Variants in KLF17 observed in about 807,000 individuals in gnomAD.
The protein encoded by KLF17 is KLF transcription factor 17.
KLF17 carries 31 observed loss-of-function variants against 34.2 expected under a neutral mutation model. That is an observed-to-expected ratio of 0.91 (90% confidence interval 0.68 to 1.22). The LOEUF is 1.22. Among genes scored for constraint, KLF17 ranks in the 50% most tolerant of loss-of-function variants. The pLI is 0.00. For synonymous variants in KLF17, 179 were observed against 186.7 expected (o/e 0.96, Z 0.34); for missense variants, 478 against 505.2 (o/e 0.95, Z 0.52).
intron 1 of KLF17, among the ~76,000 whole-genome samples, chr1:44,120,268 A>G (rs572216018): frequency 6.6e-6 from 1 of 152,390 alleles, no homozygotes; most frequent in East Asian, 1.9e-4. Flanking sequence ...TGGAAAATTC[A>G]GGAGCCATCT....
the KLF17 span, among the ~76,000 whole-genome samples, chr1:44,094,023 T>A: frequency 6.6e-6 from 1 of 152,220 alleles, no homozygotes; most frequent in South Asian, 2.1e-4. Context: ...TAGATGTGGA[T>A]TTTTTTTGAT....
At chr1:44,099,861 GA>G in the KLF17 span, among the ~76,000 whole-genome samples, 8 of 100,712 alleles carry the variant, frequency 7.9e-5, 1 homozygote, top group African/African-American at 3.2e-4. Context: ...AAGAAAGAAA[GA>G]AAGAAAGAAA....
the KLF17 span, among the ~76,000 whole-genome samples, chr1:44,080,573 TC>T: frequency 6.6e-6 from 1 of 152,126 alleles, no homozygotes; most frequent in African/African-American, 2.4e-5. Flanking sequence ...TTACAATAAG[TC>T]TTGGTAGCTG....
the KLF17 span, among the ~76,000 whole-genome samples, chr1:44,087,091 A>C: frequency 1.5e-4 from 23 of 152,288 alleles, no homozygotes; most frequent in South Asian, 4.6e-3. Context: ...AACTAATACA[A>C]ATTGAGGGTT....
the KLF17 span, among the ~76,000 whole-genome samples, chr1:44,046,639 G>A: frequency 6.6e-6 from 1 of 152,068 alleles, no homozygotes; most frequent in Admixed American, 6.5e-5. Flanking sequence ...TCAGGAAATG[G>A]ATGTGCAGAG....
the KLF17 span, among the ~76,000 whole-genome samples, chr1:44,064,290 A>T: frequency 6.6e-6 from 1 of 152,228 alleles, no homozygotes; most frequent in Non-Finnish European, 1.5e-5. Context: ...TTATTATAAT[A>T]ATTAATACAG....
the KLF17 span, among the ~76,000 whole-genome samples, chr1:44,087,408 A>G: frequency 6.6e-6 from 1 of 151,850 alleles, no homozygotes; most frequent in Admixed American, 6.6e-5. Flanking sequence ...GGTGTGCACC[A>G]TCACACCCAG....
At chr1:44,104,160 A>G in the KLF17 span, 4 of 1,058,084 alleles carry the variant, frequency 3.8e-6, no homozygotes, top group South Asian at 2.5e-5. Context: ...TAACTTGTTC[A>G]TGTAAGCTTC....
the KLF17 span, among the ~76,000 whole-genome samples, chr1:44,109,924 G>T: frequency 6.9e-5 from 10 of 145,738 alleles, no homozygotes; most frequent in Admixed American, 1.4e-4. Context: ...TTTTTTGCGG[G>T]GGGGACAGAG....
chr1:44,096,893 G>A, the KLF17 span, among the ~76,000 whole-genome samples: 4 of 152,094 alleles, frequency 2.6e-5, no homozygotes, highest in African/African-American at 7.2e-5. Flanking sequence ...TAGTCATGAA[G>A]TCTTTGCCCA....
At chr1:44,075,311 C>T in the KLF17 span, among the ~76,000 whole-genome samples, 1 of 152,154 alleles carries the variant, frequency 6.6e-6, no homozygotes, top group Non-Finnish European at 1.5e-5. Context: ...TTGGCATTTT[C>T]TGGAATGTAT....
the KLF17 span, among the ~76,000 whole-genome samples, chr1:44,089,112 G>A: frequency 4.3e-3 from 647 of 152,202 alleles, 3 homozygotes; most frequent in African/African-American, 0.015. Context: ...ATAACCTAAG[G>A]TAAAATAAGG....
chr1:44,088,178 G>A, the KLF17 span: 1 of 153,006 alleles, frequency 6.5e-6, no homozygotes, highest in Non-Finnish European at 1.4e-5. Flanking sequence ...GAGTGCAGTG[G>A]CACAATCACA....
In KLF17 at chr1:44,129,754, G is replaced by A. The variant is rs2429050; in HGVS notation, c.483G>A (p.Ser161=). 570,068 of 1,613,562 alleles carry A rather than the reference G, an allele frequency of 0.35. 103,816 individuals carry two copies. The highest frequency in any genetic ancestry group is 0.46 in the East Asian group (20,617 of 44,848). Residue 161 remains serine (S), a synonymous_variant, in exon 2 of 4, where the codon TCG becomes TCA. Transcript: ENST00000372299. ...TGCCCCCCAATGGGCTGCCAGTCTCGGCTTCCACTGGAATCCCAATAATGT... is the reference window on the plus strand; with the variant it reads ...TGCCCCCCAATGGGCTGCCAGTCTCAGCTTCCACTGGAATCCCAATAATGT... ...LRMPPNGLPV[S]ASTGIPIMSH... is the part of the protein sequence containing the mutation.
intron 3 of KLF17, among the ~76,000 whole-genome samples, chr1:44,131,094 C>G (rs1193666629): frequency 2.0e-5 from 3 of 152,224 alleles, no homozygotes; most frequent in Non-Finnish European, 2.9e-5. Flanking sequence ...CGCAGCCGGC[C>G]TCATTCTGGC....
chr1:44,129,630 C>G lies in KLF17; in HGVS notation c.359C>G (p.Pro120Arg), dbSNP rs1336623249. 4.3e-6 allele frequency: 7 copies of G among 1,614,180 alleles called. No individual in the cohort carries two copies. The highest frequency in any genetic ancestry group is 1.7e-5 in the Admixed American group (1 of 60,024). Residue 120 changes from proline (P) to arginine (R), a missense_variant, in exon 2 of 4, where the codon CCT (proline) becomes CGT (arginine). Physicochemically the swap from Pro to Arg is moderately radical, Grantham distance 103 (BLOSUM62 -2). Transcript: ENST00000372299. ...RMIYCQRMSP[P>R]QQEMTIFSGP... ...ATTTACTGTCAGAGAATGTCTCCCC[C>G]TCAGCAAGAGATGACGATTTTCAGT... is the stretch of plus-strand genomic sequence containing the variant.
the KLF17 span, among the ~76,000 whole-genome samples, chr1:44,109,273 A>G: frequency 9.6e-4 from 146 of 152,356 alleles, no homozygotes; most frequent in Non-Finnish European, 1.6e-3. Flanking sequence ...TGATTGGTTT[A>G]TAGAGACCAG....
the KLF17 span, among the ~76,000 whole-genome samples, chr1:44,096,430 G>A: frequency 2.8e-5 from 4 of 140,838 alleles, no homozygotes; most frequent in East Asian, 2.0e-4. Flanking sequence ...AGGGAGTCTC[G>A]CTCTGTCGCC....
At chr1:44,058,633 A>G in the KLF17 span, among the ~76,000 whole-genome samples, 5 of 147,362 alleles carry the variant, frequency 3.4e-5, no homozygotes, top group South Asian at 6.4e-4. Flanking sequence ...AAGGAACAGT[A>G]AAACAGTCCA....
Sources: gnomAD v4.1 joint callset for allele counts (sites outside exome capture counted in the v4.1 genomes callset) on GRCh38, gnomAD v4.1.1 for gene constraint, MANE v1.5 for transcripts, NCBI Gene and HGNC (gene_info 2026-07-23, HGNC 2026-07-21) for gene names.